The following ABI3BP variants were observed in gnomAD, a reference collection of about 807,000 sequenced individuals.
ABI3BP encodes ABI family member 3 binding protein.
Under a neutral mutation model 268.6 loss-of-function variants are expected in ABI3BP, and 216 were observed. That is an observed-to-expected ratio of 0.80 (90% CI 0.72 to 0.90). ABI3BP has a LOEUF of 0.90. Among genes scored for constraint, ABI3BP ranks in the 40% least tolerant of loss-of-function variants. ABI3BP has a pLI of 0.00. For missense variants in ABI3BP, 2,090 were observed against 2,182.4 expected (o/e 0.96, Z 0.84); for synonymous variants, 730 against 730.0 (o/e 1.00, Z 0.00).
At chr3:100,964,582 A>G (rs1277331030) in intron 1 of ABI3BP, among the ~76,000 whole-genome samples, 1 of 152,152 alleles carries the variant, frequency 6.6e-6, no homozygotes. Context: ...ACACCAGACA[A>G]CGTAGCCACT....
At chr3:100,767,151 G>A (rs1213710813) in intron 62 of ABI3BP, among the ~76,000 whole-genome samples, 5 of 152,042 alleles carry the variant, frequency 3.3e-5, no homozygotes, top group Non-Finnish European at 7.4e-5. Context: ...TGTTGCCCAG[G>A]CTGGTATTGA....
intron 64 of ABI3BP, 114 bp downstream of exon 64, chr3:100,754,498 T>C: frequency 9.3e-7 from 1 of 1,072,824 alleles, no homozygotes; most frequent in East Asian, 2.6e-5. Flanking sequence ...AATGGGTTTT[T>C]AGAAATTCAA....
intron 2 of ABI3BP, among the ~76,000 whole-genome samples, chr3:100,912,795 AG>A (rs1299296220): frequency 2.6e-5 from 4 of 152,194 alleles, no homozygotes; most frequent in Non-Finnish European, 5.9e-5. Context: ...AAGCTCCAGC[AG>A]GGAGTTCCAC....
chr3:100,794,001 A>G (rs1395569337), intron 54 of ABI3BP, among the ~76,000 whole-genome samples: 1 of 152,022 alleles, frequency 6.6e-6, no homozygotes. Flanking sequence ...CTACCTGCTT[A>G]TCAGTTTAGT....
At chr3:100,800,496 C>T (rs1022077542) in intron 51 of ABI3BP, among the ~76,000 whole-genome samples, 3 of 152,094 alleles carry the variant, frequency 2.0e-5, no homozygotes, top group Non-Finnish European at 4.4e-5. Flanking sequence ...ATATGGAGCA[C>T]GGAGTCTCAC....
At chr3:100,774,771 T>C (rs1039181660) in intron 60 of ABI3BP, 98 bp from the exon 61 acceptor site, 4 of 933,770 alleles carry the variant, frequency 4.3e-6, no homozygotes, top group Non-Finnish European at 6.3e-6. Flanking sequence ...TATTTCTTCT[T>C]GTAAACTGCT....
At chr3:100,903,391 T>A (rs1351238740) in intron 2 of ABI3BP, among the ~76,000 whole-genome samples, 2 of 152,258 alleles carry the variant, frequency 1.3e-5, no homozygotes, top group South Asian at 2.1e-4. Flanking sequence ...AATAATTTTT[T>A]AAATATTGAT....
intron 2 of ABI3BP, among the ~76,000 whole-genome samples, chr3:100,916,841 T>A (rs554302031): frequency 6.6e-6 from 1 of 152,190 alleles, no homozygotes; most frequent in South Asian, 2.1e-4. Context: ...TACCTTGGGA[T>A]CAGATTGTGA....
At chr3:100,986,295 G>A (rs571177549) in intron 1 of ABI3BP, among the ~76,000 whole-genome samples, 1 of 152,278 alleles carries the variant, frequency 6.6e-6, no homozygotes, top group South Asian at 2.1e-4. Context: ...CAAACCTTCA[G>A]ATCAGACCTC....
chr3:100,832,587 C>G (rs964698800), intron 30 of ABI3BP, among the ~76,000 whole-genome samples: 10 of 152,082 alleles, frequency 6.6e-5, no homozygotes, highest in Non-Finnish European at 1.2e-4. Flanking sequence ...TAGAAACTAT[C>G]ATTATTTTCT....
intron 51 of ABI3BP, among the ~76,000 whole-genome samples, chr3:100,798,001 A>C (rs1045146812): frequency 6.6e-6 from 1 of 152,128 alleles, no homozygotes; most frequent in Non-Finnish European, 1.5e-5. Context: ...TGAAGAAGGC[A>C]CTTTGATTTA....
chr3:100,812,896 T>G (rs964894315), intron 45 of ABI3BP, among the ~76,000 whole-genome samples: 1 of 152,258 alleles, frequency 6.6e-6, no homozygotes, highest in East Asian at 1.9e-4. Flanking sequence ...CATTTTTTTT[T>G]CCCCAGACAG....
intron 1 of ABI3BP, among the ~76,000 whole-genome samples, chr3:100,962,302 G>C (rs888802554): frequency 6.6e-6 from 1 of 152,134 alleles, no homozygotes; most frequent in Non-Finnish European, 1.5e-5. Flanking sequence ...CTGCATAACA[G>C]GAATTGTCTG....
chr3:100,968,805 CATTAAGTATTTCTCCTAATGCT>C (rs1416321675), intron 1 of ABI3BP, among the ~76,000 whole-genome samples: 1 of 152,134 alleles, frequency 6.6e-6, no homozygotes, highest in East Asian at 1.9e-4. Flanking sequence ...CCGTCATCTG[CATTAAGTATTTCTCCTAATGCT>C]ATCCCTCCCC....
chr3:100,936,778 G>A (rs1354984056), intron 1 of ABI3BP, among the ~76,000 whole-genome samples: 5 of 152,092 alleles, frequency 3.3e-5, no homozygotes, highest in African/African-American at 4.8e-5. Flanking sequence ...GGTGTTTATA[G>A]TATTCTCTGA....
intron 51 of ABI3BP, among the ~76,000 whole-genome samples, chr3:100,799,120 T>TA (rs1332306017): frequency 1.2e-4 from 18 of 152,188 alleles, no homozygotes; most frequent in African/African-American, 3.4e-4. Context: ...CTAATATCTT[T>TA]AAAAAAAATC....
At chr3:100,912,492 T>G (rs150808994) in intron 2 of ABI3BP, among the ~76,000 whole-genome samples, 3 of 152,054 alleles carry the variant, frequency 2.0e-5, no homozygotes, top group Non-Finnish European at 4.4e-5. Flanking sequence ...TTATTTTTAT[T>G]AGAAGCCAGT....
At chr3:100,992,125 T>G (rs1041419426) in intron 1 of ABI3BP, among the ~76,000 whole-genome samples, 1 of 152,182 alleles carries the variant, frequency 6.6e-6, no homozygotes, top group African/African-American at 2.4e-5. Flanking sequence ...AGAGTGCTTG[T>G]TTTTTATTTT....
chr3:100,940,786 CTA>C (rs1167503911), intron 1 of ABI3BP, among the ~76,000 whole-genome samples: 498 of 10,114 alleles, frequency 0.049, 9 homozygotes, highest in Non-Finnish European at 0.059. Flanking sequence ...AATTACTTCA[CTA>C]TATATATATA....
Sources: allele counts gnomAD v4.1 joint callset (sites outside exome capture counted in the v4.1 genomes callset), GRCh38; gene constraint gnomAD v4.1.1; transcripts MANE v1.5; gene names NCBI Gene and HGNC (gene_info 2026-07-23, HGNC 2026-07-21).